SEMA3A: variants seen among roughly 807,000 people sequenced by gnomAD.
SEMA3A encodes semaphorin 3A.
A neutral mutation model predicts 97.9 loss-of-function variants in SEMA3A; 29 were observed. That is an observed-to-expected ratio of 0.30 (90% confidence interval 0.22 to 0.40). SEMA3A has a LOEUF of 0.40. Among genes scored for constraint, SEMA3A ranks in the 10% least tolerant of loss-of-function variants. The pLI is 1.00. For missense variants in SEMA3A, 763 were observed against 951.3 expected (o/e 0.80, Z 2.60); for synonymous variants, 321 against 323.7 (o/e 0.99, Z 0.09).
chr7:84,126,872 A>G (rs1584004413), intron 3 of SEMA3A, among the ~76,000 whole-genome samples: 1 of 152,356 alleles, frequency 6.6e-6, no homozygotes, highest in Non-Finnish European at 1.5e-5. Context: ...CTTGCTCAGT[A>G]CATTCATGAG....
intron 3 of SEMA3A, among the ~76,000 whole-genome samples, chr7:84,252,243 A>C (rs1010486428): frequency 6.6e-6 from 1 of 152,198 alleles, no homozygotes; most frequent in Admixed American, 6.6e-5. Flanking sequence ...CCTGGTGGGC[A>C]TCATTCTATG....
At chr7:84,312,620 C>T (rs916380356) in intron 2 of SEMA3A, among the ~76,000 whole-genome samples, 1 of 150,496 alleles carries the variant, frequency 6.6e-6, no homozygotes, top group African/African-American at 2.4e-5. Flanking sequence ...GTATTAAATA[C>T]AAAATACATA....
At chr7:84,180,101 C>G (rs913673378) in intron 1 of SEMA3A, among the ~76,000 whole-genome samples, 116 of 150,972 alleles carry the variant, frequency 7.7e-4, no homozygotes, top group African/African-American at 2.7e-3. Flanking sequence ...CATGTGCCAC[C>G]ATGCCCGGCT....
At chr7:84,326,119 T>G (rs1280856715) in intron 2 of SEMA3A, among the ~76,000 whole-genome samples, 1 of 152,146 alleles carries the variant, frequency 6.6e-6, no homozygotes, top group Non-Finnish European at 1.5e-5. Flanking sequence ...CCCTCTGTGA[T>G]CTGGCGTACT....
intron 4 of SEMA3A, among the ~76,000 whole-genome samples, chr7:84,095,651 T>C (rs866332604): frequency 1.3e-5 from 2 of 151,328 alleles, no homozygotes; most frequent in Admixed American, 6.6e-5. Context: ...TCCTCTTTCA[T>C]GTTATCCAGG....
At chr7:84,436,427 A>G (rs375041611) in intron 1 of SEMA3A, among the ~76,000 whole-genome samples, 2 of 152,174 alleles carry the variant, frequency 1.3e-5, no homozygotes, top group East Asian at 3.9e-4. Context: ...TTTTCAAACT[A>G]TTCATCCAAC....
chr7:84,105,559 G>T (rs1048991340), intron 4 of SEMA3A, among the ~76,000 whole-genome samples: 1 of 152,042 alleles, frequency 6.6e-6, no homozygotes, highest in Non-Finnish European at 1.5e-5. Flanking sequence ...AGTATTTATA[G>T]AGTTAATACA....
intron 1 of SEMA3A, among the ~76,000 whole-genome samples, chr7:84,463,278 TTGCTCTG>T (rs1805904404): frequency 7.3e-6 from 1 of 137,916 alleles, no homozygotes; most frequent in Non-Finnish European, 1.5e-5. Context: ...GGAGGGACTC[TTGCTCTG>T]TCACACAGGC....
At chr7:83,998,967 C>T (rs1790328602) in intron 12 of SEMA3A, among the ~76,000 whole-genome samples, 2 of 152,070 alleles carry the variant, frequency 1.3e-5, no homozygotes, top group African/African-American at 4.8e-5. Flanking sequence ...GGAGATAACA[C>T]ATTATCTCCT....
intron 1 of SEMA3A, 36 bp downstream of exon 1, chr7:84,194,439 A>T: frequency 1.4e-6 from 2 of 1,428,558 alleles, no homozygotes; most frequent in Non-Finnish European, 2.0e-6. Flanking sequence ...GGCGGTTATT[A>T]CAAAGCTAAC....
In SEMA3A at chr7:83,958,641, G is replaced by C. The variant is rs1162175691; in HGVS notation, c.*2730C>G. ...CTTATAGAAAGTTTTATTTTACACT[G>C]TTCTTCCTCTTTTTCTCCCAAATTA... is the stretch of plus-strand genomic sequence containing the variant. On this transcript the variant is annotated 3_prime_UTR_variant, in exon 17 of 17. Transcript: ENST00000265362. 1 of 152,416 alleles carries C rather than the reference G, an allele frequency of 6.6e-6. No individual in the cohort carries two copies. The highest frequency in any genetic ancestry group is 2.4e-5 in the African/African-American group (1 of 41,420). 9.4% of individuals were successfully genotyped at this position (152,416 alleles called of 1,614,324 possible).
chr7:84,040,059 T>A (rs529426299), intron 6 of SEMA3A, among the ~76,000 whole-genome samples: 1 of 152,044 alleles, frequency 6.6e-6, no homozygotes, highest in South Asian at 2.1e-4. Flanking sequence ...TTTAAAAAAT[T>A]TAAATATTAT....
intron 1 of SEMA3A, among the ~76,000 whole-genome samples, chr7:84,174,024 G>C (rs1005864978): frequency 6.6e-6 from 1 of 152,108 alleles, no homozygotes; most frequent in Non-Finnish European, 1.5e-5. Flanking sequence ...CATTAGCACT[G>C]AGGTGTGACT....
intron 1 of SEMA3A, among the ~76,000 whole-genome samples, chr7:84,428,862 G>A (rs1418040393): frequency 1.3e-5 from 2 of 152,060 alleles, no homozygotes; most frequent in East Asian, 1.9e-4. Context: ...CTAATAGAAT[G>A]TAAGTTATTT....
chr7:84,214,844 AC>A (rs1466891072), intron 3 of SEMA3A, among the ~76,000 whole-genome samples: 1 of 151,530 alleles, frequency 6.6e-6, no homozygotes, highest in African/African-American at 2.4e-5. Flanking sequence ...AATTATAGGC[AC>A]CTGCTACCAC....
chr7:84,110,032 G>A (rs929338313), intron 4 of SEMA3A, among the ~76,000 whole-genome samples: 5 of 152,110 alleles, frequency 3.3e-5, no homozygotes, highest in African/African-American at 1.2e-4. Context: ...AATAATGTGA[G>A]TCAAACTTGA....
intron 1 of SEMA3A, among the ~76,000 whole-genome samples, chr7:84,427,649 C>CAAAAA (rs55872394): frequency 0.016 from 1,190 of 72,878 alleles, 70 homozygotes; most frequent in Non-Finnish European, 0.02. Context: ...GATTCTGTCT[C>CAAAAA]AAAAAAAAAA....
rs559471960 is a variant in SEMA3A, at chr7:84,359,422, T to G, written c.-169+12402A>C. ...CATGTGGTTTTTGTCCTTGGTTCTG[T>G]TTATATGCTGGATTATGTTTATTGA... On this transcript the variant is annotated intron_variant, in intron 2 of 3. Transcript: ENST00000424555. 1.2e-4 allele frequency among the ~76,000 whole-genome samples: 19 copies of G among 152,272 alleles called. No individual in the cohort carries two copies. The East Asian group carries it at 3.7e-3, about 30-fold the overall frequency.
chr7:84,456,948 T>C (rs567416962), intron 1 of SEMA3A, among the ~76,000 whole-genome samples: 85 of 151,916 alleles, frequency 5.6e-4, no homozygotes, highest in African/African-American at 1.9e-3. Context: ...TGTCAGCTAA[T>C]AAGCGATAAA....
Sources: gnomAD v4.1 joint callset for allele counts (sites outside exome capture counted in the v4.1 genomes callset) on GRCh38, gnomAD v4.1.1 for gene constraint, MANE v1.5 for transcripts, NCBI Gene and HGNC (gene_info 2026-07-23, HGNC 2026-07-21) for gene names.